The following AGAP1 variants were observed in gnomAD, a reference collection of about 807,000 sequenced individuals.
The protein encoded by AGAP1 is arf-GAP with GTPase, ANK repeat and PH domain-containing protein 1.
In AGAP1, 29 loss-of-function variants were observed where a neutral mutation model predicts 105.3. The observed-to-expected ratio is 0.28, with a 90% CI of 0.21 to 0.38. The LOEUF (loss-of-function observed/expected upper bound fraction) is 0.38, where lower values mean the gene tolerates loss of function less well. AGAP1 is among the 10% of genes least tolerant of loss of function. AGAP1 has a pLI of 1.00. For synonymous variants in AGAP1, 509 were observed against 485.9 expected (o/e 1.05, Z -0.63); for missense variants, 998 against 1,165.1 (o/e 0.86, Z 2.09).
intron 9 of AGAP1, among the ~76,000 whole-genome samples, chr2:235,820,261 A>G (rs1172763952): frequency 1.3e-5 from 2 of 152,218 alleles, no homozygotes; most frequent in Non-Finnish European, 2.9e-5. Context: ...GAGAAGTTAC[A>G]GTATTCATTA....
rs779234535 is a variant in AGAP1 at position 235,612,168 on chromosome 2, T to G, written c.164-97011T>G. ...TTATTGTTTCACACGTTTTCTTTTC[T>G]CAGTGAAGCCCAGGTAACCTGCTGC... On this transcript the variant is annotated intron_variant, in intron 1 of 17. Coordinates refer to ENST00000304032, the MANE Select transcript of AGAP1 (RefSeq NM_001037131.3). The surrounding 1 kb of genome is among the most constrained non-coding windows in gnomAD (Gnocchi z 4.3). 5.9e-5 allele frequency among the ~76,000 whole-genome samples: 9 copies of G among 152,200 alleles called. No homozygotes were observed. The highest frequency in any genetic ancestry group is 1.0e-4 in the Non-Finnish European group (7 of 68,042).
rs906847921 is a variant in AGAP1 at position 235,875,357 on chromosome 2, G to A, written c.1051-7988G>A. Among the ~76,000 whole-genome samples, 3 of 152,166 alleles carry A rather than the reference G, an allele frequency of 2.0e-5. No homozygotes were observed. Among genetic ancestry groups the A allele is most frequent in the East Asian group, 1.9e-4 (1 of 5,196 alleles). On this transcript the variant is annotated intron_variant, in intron 9 of 17. Coordinates refer to ENST00000304032, the MANE Select transcript of AGAP1 (RefSeq NM_001037131.3). The surrounding 1 kb of genome is among the most constrained non-coding windows in gnomAD (Gnocchi z 4.0). The stretch of plus-strand genomic sequence containing the variant: ...TGAGATCTTAGGATAAAAGCCCACC[G>A]AGGTGCGAGTCTCACCATCGTGCTG...
At chr2:235,707,471 G>GA (rs1950593092) in intron 1 of AGAP1, among the ~76,000 whole-genome samples, 2 of 5,986 alleles carry the variant, frequency 3.3e-4, no homozygotes, top group Non-Finnish European at 5.1e-4. Flanking sequence ...CCCTCCCCAT[G>GA]ACCCCCCCCC....
In AGAP1 at chr2:236,127,577, C is replaced by G. The variant is rs184458174; in HGVS notation, c.*3455C>G. On this transcript the variant is annotated 3_prime_UTR_variant, in exon 18 of 18. Coordinates refer to ENST00000304032, the MANE Select transcript of AGAP1 (RefSeq NM_001037131.3). The surrounding 1 kb of genome is among the most constrained non-coding windows in gnomAD (Gnocchi z 6.6). Reference sequence around the variant, plus strand: ...CGGCAGTGGCTTTTCAGCACAAGGGCCTTGCATTGAAGCTCCCTCTTCTGA... The same window carrying G: ...CGGCAGTGGCTTTTCAGCACAAGGGGCTTGCATTGAAGCTCCCTCTTCTGA... 1 of 152,332 alleles carries G rather than the reference C, an allele frequency of 6.6e-6. No individual in the cohort carries two copies. The highest frequency in any genetic ancestry group is 6.5e-5 in the Admixed American group (1 of 15,294). 9.4% of individuals were successfully genotyped at this position (152,332 alleles called of 1,614,324 possible). A position where few individuals can be genotyped will look rare whatever the true frequency, so the allele number is the denominator to read the frequency against.
At chr2:235,682,242 C>T (rs2149402135) in intron 1 of AGAP1, among the ~76,000 whole-genome samples, 1 of 152,142 alleles carries the variant, frequency 6.6e-6, no homozygotes, top group East Asian at 1.9e-4. Context: ...ACGTTGTGGA[C>T]TCCTCCTTTC....
rs1958985141 is a variant in AGAP1, at chr2:235,824,907, A to G, written c.1050+17576A>G. ...GCATGTTTTTATGTCTCACGTTTAC[A>G]GGCGCTTTTCTGATTTTTCTTTCCC... On this transcript the variant is annotated intron_variant, in intron 9 of 17. Coordinates refer to ENST00000304032, the MANE Select transcript of AGAP1 (RefSeq NM_001037131.3). The surrounding 1 kb of genome is among the most constrained non-coding windows in gnomAD (Gnocchi z 5.2). Among the ~76,000 whole-genome samples the G allele has an allele frequency of 6.6e-6, 1 of 152,212 alleles. No homozygotes were observed. The highest frequency in any genetic ancestry group is 1.5e-5 in the Non-Finnish European group (1 of 68,030).
Position 235,877,206 on chromosome 2 carries a change from A to G in AGAP1, c.1051-6139A>G, listed in dbSNP as rs1023744107. ...TCAACATTGATTTAACTGTTTTGATAATAATTATGCAGTTAGGTACAAGCA... is the reference window on the plus strand; with the variant it reads ...TCAACATTGATTTAACTGTTTTGATGATAATTATGCAGTTAGGTACAAGCA... On this transcript the variant is annotated intron_variant, in intron 9 of 17. Transcript: ENST00000304032. The surrounding 1 kb of genome is among the most constrained non-coding windows in gnomAD (Gnocchi z 4.3). Among the ~76,000 whole-genome samples the G allele has an allele frequency of 7.9e-5, 12 of 152,142 alleles. No homozygotes were observed. Among genetic ancestry groups the G allele is most frequent in the Non-Finnish European group, 2.9e-5 (2 of 68,044 alleles).
At chr2:235,706,255 C>T (rs1575180421) in intron 1 of AGAP1, among the ~76,000 whole-genome samples, 4 of 152,152 alleles carry the variant, frequency 2.6e-5, no homozygotes, top group South Asian at 4.1e-4. Context: ...GATGGAGTCT[C>T]GCTCTGTCGC....
chr2:235,585,575 A>G (rs1254609205), intron 1 of AGAP1, among the ~76,000 whole-genome samples: 2 of 152,120 alleles, frequency 1.3e-5, no homozygotes, highest in South Asian at 2.1e-4. Context: ...GAGGCTTAGT[A>G]TTTTGTCTCT....
Position 235,733,125 on chromosome 2 carries a change from G to T in AGAP1, c.311-7838G>T, listed in dbSNP as rs549615414. ...GGGAATTTACCACATCCTCTTCCAG[G>T]TTCCCTTCACCCATCCTGCGGGGTG... On this transcript the variant is annotated intron_variant, in intron 3 of 17. Transcript: ENST00000304032. The surrounding 1 kb of genome is among the most constrained non-coding windows in gnomAD (Gnocchi z 5.0). 5.9e-5 allele frequency among the ~76,000 whole-genome samples: 9 copies of T among 152,292 alleles called. No individual in the cohort carries two copies. The highest frequency in any genetic ancestry group is 7.4e-5 in the Non-Finnish European group (5 of 68,024).
chr2:235,561,310 G>C (rs543283359), intron 1 of AGAP1, among the ~76,000 whole-genome samples: 1 of 152,184 alleles, frequency 6.6e-6, no homozygotes, highest in African/African-American at 2.4e-5. Context: ...AGGAAACCTT[G>C]TAGGTCAGGA....
chr2:235,671,941 T>G (rs1948455189), intron 1 of AGAP1, among the ~76,000 whole-genome samples: 1 of 152,094 alleles, frequency 6.6e-6, no homozygotes, highest in Non-Finnish European at 1.5e-5. Flanking sequence ...CTGAGGGGGA[T>G]TCTGGGGGTG....
chr2:235,813,137 G>A (rs1003045475), intron 9 of AGAP1, among the ~76,000 whole-genome samples: 1 of 152,192 alleles, frequency 6.6e-6, no homozygotes, highest in African/African-American at 2.4e-5. Context: ...TGAAATGACA[G>A]TCATCCGTCT....
chr2:235,544,999 T>A (rs1943575766), intron 1 of AGAP1, among the ~76,000 whole-genome samples: 1 of 152,178 alleles, frequency 6.6e-6, no homozygotes. Context: ...TACTGATAAA[T>A]CTTTTACATT....
rs1350487285 is a variant in AGAP1 at position 235,931,922 on chromosome 2, A to G, written c.1483+999A>G. ...ACTTGGAGCAGACACACACAGCGTC[A>G]CGCGGCTGCCCCGGCTGGCCCATTC... On this transcript the variant is annotated intron_variant, in intron 12 of 17. Coordinates refer to ENST00000304032, the MANE Select transcript of AGAP1 (RefSeq NM_001037131.3). The surrounding 1 kb of genome is among the most constrained non-coding windows in gnomAD (Gnocchi z 5.6). Among the ~76,000 whole-genome samples the G allele has an allele frequency of 2.0e-5, 3 of 152,106 alleles. No individual in the cohort carries two copies. Among genetic ancestry groups the G allele is most frequent in the African/African-American group, 4.8e-5 (2 of 41,422 alleles).
At position 235,740,900 on chromosome 2, in the gene AGAP1, G is replaced by A. The variant is rs1383874785; in HGVS notation, c.311-63G>A. ...GTATTTTTCCACAAGCGAAGCCCAC[G>A]TCTGTCTGCCCTCCTCACTCTCTGT... On this transcript the variant is annotated intron_variant, in intron 3 of 17. Transcript: ENST00000304032. This position sits in a 1 kb window ranked among gnomAD's most constrained non-coding sequence, Gnocchi z 5.7. 17 of 1,603,656 alleles carry A rather than the reference G, an allele frequency of 1.1e-5. No individual in the cohort carries two copies. The highest frequency in any genetic ancestry group is 6.7e-5 in the East Asian group (3 of 44,790).
chr2:235,887,249 G>A lies in AGAP1; in HGVS notation c.1155+3800G>A, dbSNP rs2050313617. ...GGCCACATGCAGTGGTGGCATAAGTGGTCAAGTGTTGGGAAAGCTGCCAGG... is the reference window on the plus strand; with the variant it reads ...GGCCACATGCAGTGGTGGCATAAGTAGTCAAGTGTTGGGAAAGCTGCCAGG... On this transcript the variant is annotated intron_variant, in intron 10 of 17. Coordinates refer to ENST00000304032, the MANE Select transcript of AGAP1 (RefSeq NM_001037131.3). The surrounding 1 kb of genome is among the most constrained non-coding windows in gnomAD (Gnocchi z 4.1). Among the ~76,000 whole-genome samples, 1 of 152,112 alleles carries A rather than the reference G, an allele frequency of 6.6e-6. No homozygotes were observed. Among genetic ancestry groups the A allele is most frequent in the African/African-American group, 2.4e-5 (1 of 41,412 alleles).
intron 1 of AGAP1, among the ~76,000 whole-genome samples, chr2:235,547,838 C>T (rs1356587881): frequency 1.3e-5 from 2 of 152,140 alleles, no homozygotes; most frequent in East Asian, 1.9e-4. Context: ...CCCTTGCTCC[C>T]GTGAGAAGCT....
chr2:235,883,410 G>C lies in AGAP1; in HGVS notation c.1116G>C (p.Leu372=), dbSNP rs764883800. 1.9e-6 allele frequency: 3 copies of C among 1,614,092 alleles called. No homozygotes were observed. The highest frequency in any genetic ancestry group is 1.3e-5 in the African/African-American group (1 of 75,024). Reference sequence around the variant, plus strand: ...AGTGGAAAAAGAAATATGTCACCCTGTGTGACAATGGCGTGCTGACCTATC... The same window carrying C: ...AGTGGAAAAAGAAATATGTCACCCTCTGTGACAATGGCGTGCTGACCTATC... ...NKEWKKKYVT[L]CDNGVLTYHP... The change falls in exon 10 of 18, where the codon CTG becomes CTC. Residue 372 remains leucine (L), a synonymous_variant. Coordinates refer to ENST00000304032, the MANE Select transcript of AGAP1 (RefSeq NM_001037131.3). The surrounding 1 kb of genome is among the most constrained non-coding windows in gnomAD (Gnocchi z 4.5).
Sources: gnomAD v4.1 joint callset for allele counts (sites outside exome capture counted in the v4.1 genomes callset) on GRCh38, gnomAD v4.1.1 for gene constraint, Gnocchi (gnomAD v3.1) non-coding constraint, MANE v1.5 for transcripts, NCBI Gene and HGNC (gene_info 2026-07-23, HGNC 2026-07-21) for gene names.